The following PIP5K1B variants were observed in gnomAD, a reference collection of about 807,000 sequenced individuals.
The protein encoded by PIP5K1B is phosphatidylinositol-4-phosphate 5-kinase type 1 beta.
PIP5K1B carries 42 observed loss-of-function variants against 67.0 expected under a neutral mutation model. The observed-to-expected ratio is 0.63, with a 90% CI of 0.49 to 0.81. PIP5K1B has a LOEUF of 0.81. Ranked by LOEUF, PIP5K1B falls within the 30% of genes least tolerant of loss-of-function variation. The probability of loss-of-function intolerance (pLI) is 0.00; values close to 1 mark genes in which losing one functional copy is unlikely to be tolerated. For synonymous variants in PIP5K1B, 214 were observed against 231.4 expected (o/e 0.92, Z 0.68); for missense variants, 459 against 646.3 (o/e 0.71, Z 3.14).
At chr9:68,886,466 C>A (rs1824483406) in intron 6 of PIP5K1B, among the ~76,000 whole-genome samples, 1 of 152,184 alleles carries the variant, frequency 6.6e-6, no homozygotes, top group African/African-American at 2.4e-5. Context: ...TGTATGTAGG[C>A]ACCTACCATG....
intron 8 of PIP5K1B, among the ~76,000 whole-genome samples, chr9:68,913,751 A>T (rs1825960580): frequency 6.6e-6 from 1 of 152,168 alleles, no homozygotes; most frequent in South Asian, 2.1e-4. Context: ...CCTCACGAGG[A>T]CAACTCAGCA....
chr9:68,839,680 G>C (rs1375809165), intron 4 of PIP5K1B, among the ~76,000 whole-genome samples: 1 of 152,210 alleles, frequency 6.6e-6, no homozygotes, highest in Non-Finnish European at 1.5e-5. Flanking sequence ...ACTTGAATGT[G>C]TATAAAACAT....
intron 1 of PIP5K1B, among the ~76,000 whole-genome samples, chr9:68,729,754 A>G (rs1033883185): frequency 3.3e-5 from 5 of 152,198 alleles, no homozygotes; most frequent in Non-Finnish European, 5.9e-5. Flanking sequence ...AAGAAATAAA[A>G]TGATAAGTTA....
intron 14 of PIP5K1B, among the ~76,000 whole-genome samples, chr9:68,948,094 G>A (rs776864188): frequency 3.9e-5 from 6 of 152,188 alleles, no homozygotes; most frequent in Non-Finnish European, 7.3e-5. Context: ...AGAATGAGGG[G>A]AAAATGTGGT....
intron 6 of PIP5K1B, 83 bp downstream of exon 6, chr9:68,876,877 T>C (rs1299209848): frequency 4.0e-6 from 3 of 757,418 alleles, no homozygotes; most frequent in African/African-American, 3.5e-5. Flanking sequence ...AAGTGGCTTG[T>C]GTCTCTCATT....
intron 4 of PIP5K1B, among the ~76,000 whole-genome samples, chr9:68,825,274 A>G (rs1252471012): frequency 6.6e-6 from 1 of 152,202 alleles, no homozygotes; most frequent in East Asian, 1.9e-4. Flanking sequence ...GACAAGGTGG[A>G]TAAGTATGGG....
At chr9:68,960,588 TTG>T (rs1156463997) in intron 14 of PIP5K1B, among the ~76,000 whole-genome samples, 1 of 152,160 alleles carries the variant, frequency 6.6e-6, no homozygotes, top group Non-Finnish European at 1.5e-5. Context: ...TCCCATCTGT[TTG>T]TCTTTTTACT....
At chr9:68,888,871 G>T in intron 6 of PIP5K1B, 110 bp from the exon 7 acceptor site, 1 of 709,250 alleles carries the variant, frequency 1.4e-6, no homozygotes. Context: ...AGCCCGTAGA[G>T]AGGCTTCTTG....
At chr9:68,715,599 A>G (rs2132248858) in intron 1 of PIP5K1B, among the ~76,000 whole-genome samples, 1 of 152,308 alleles carries the variant, frequency 6.6e-6, no homozygotes, top group African/African-American at 2.4e-5. Context: ...CAACAGTATG[A>G]TTATTTGACT....
At chr9:68,903,922 G>A (rs1242637593) in intron 8 of PIP5K1B, among the ~76,000 whole-genome samples, 2 of 152,158 alleles carry the variant, frequency 1.3e-5, no homozygotes, top group African/African-American at 4.8e-5. Flanking sequence ...TTATTGCATG[G>A]ACAATAAGGA....
rs761311532 is a variant in PIP5K1B at position 68,935,060 on chromosome 9, CTT to C, written c.1357+20_1357+21del. 68 of 1,604,042 alleles carry C rather than the reference CTT, an allele frequency of 4.2e-5. No homozygotes were observed. Among genetic ancestry groups the C allele is most frequent in the Non-Finnish European group, 5.6e-5 (66 of 1,175,680 alleles). ...TGATGAAGAAGGTAAAGATATGTAA[CTT>C]TTTTAAAAAGACAAACGTTCTTGTG... On this transcript the variant is annotated intron_variant, in intron 13 of 15. Coordinates refer to ENST00000265382, the MANE Select transcript of PIP5K1B (RefSeq NM_003558.4).
At chr9:68,988,804 T>C (rs1414981512) in intron 14 of PIP5K1B, among the ~76,000 whole-genome samples, 1 of 151,958 alleles carries the variant, frequency 6.6e-6, no homozygotes, top group Non-Finnish European at 1.5e-5. Flanking sequence ...CTTCTTAAGA[T>C]CTACACAATT....
At chr9:68,822,441 A>G (rs1232769580) in intron 3 of PIP5K1B, 174 bp from the exon 4 acceptor site, 8 of 511,624 alleles carry the variant, frequency 1.6e-5, no homozygotes, top group Non-Finnish European at 2.5e-5. Flanking sequence ...AAGATTAAGG[A>G]ATGCAGATTT....
intron 4 of PIP5K1B, among the ~76,000 whole-genome samples, chr9:68,827,600 C>T (rs1244281027): frequency 6.6e-6 from 1 of 152,094 alleles, no homozygotes; most frequent in East Asian, 1.9e-4. Flanking sequence ...ACAAGTTGTA[C>T]AGGGTTGAGG....
chr9:68,838,178 T>G (rs997567438), intron 4 of PIP5K1B, among the ~76,000 whole-genome samples: 1 of 148,814 alleles, frequency 6.7e-6, no homozygotes, highest in Non-Finnish European at 1.5e-5. Context: ...TGACAACCTG[T>G]TTTTTTTTTA....
At chr9:68,865,063 A>C (rs1823290285) in intron 5 of PIP5K1B, among the ~76,000 whole-genome samples, 1 of 152,166 alleles carries the variant, frequency 6.6e-6, no homozygotes, top group Non-Finnish European at 1.5e-5. Context: ...AGAGCCCATA[A>C]ATTTTTAAAA....
At chr9:68,928,055 T>C (rs889608805) in intron 12 of PIP5K1B, among the ~76,000 whole-genome samples, 1 of 151,876 alleles carries the variant, frequency 6.6e-6, no homozygotes, top group African/African-American at 2.4e-5. Flanking sequence ...TTGAAAATCA[T>C]GAGAGAACAT....
intron 6 of PIP5K1B, among the ~76,000 whole-genome samples, chr9:68,887,165 A>G (rs1361362652): frequency 6.6e-6 from 1 of 152,070 alleles, no homozygotes; most frequent in East Asian, 1.9e-4. Context: ...TGCTTTTTCC[A>G]TGATCCATTT....
chr9:68,979,660 C>T (rs1829802469), intron 14 of PIP5K1B, among the ~76,000 whole-genome samples: 1 of 152,212 alleles, frequency 6.6e-6, no homozygotes, highest in Non-Finnish European at 1.5e-5. Context: ...TCTGTCCTCA[C>T]AATGAATAAA....
Sources: allele counts gnomAD v4.1 joint callset (sites outside exome capture counted in the v4.1 genomes callset), GRCh38; gene constraint gnomAD v4.1.1; transcripts MANE v1.5; gene names NCBI Gene and HGNC (gene_info 2026-07-23, HGNC 2026-07-21).